DLGAP2: variants seen among roughly 807,000 people sequenced by gnomAD.
DLGAP2 encodes the protein disks large-associated protein 2.
Under a neutral mutation model 100.3 loss-of-function variants are expected in DLGAP2, and 26 were observed. That is an observed-to-expected ratio of 0.26 (90% CI 0.19 to 0.36). The LOEUF (loss-of-function observed/expected upper bound fraction) is 0.36. Among genes scored for constraint, DLGAP2 ranks in the 10% least tolerant of loss-of-function variants. The probability of loss-of-function intolerance (pLI) is 1.00; values close to 1 mark genes in which losing one functional copy is unlikely to be tolerated. For missense variants in DLGAP2, 1,858 were observed against 1,453.2 expected, an observed-to-expected ratio of 1.28 and a Z score of -4.53; for synonymous variants, 886 against 630.1, an observed-to-expected ratio of 1.41 and a Z score of -6.08.
chr8:1,516,755 G>A (rs1800407751), intron 4 of DLGAP2, among the ~76,000 whole-genome samples: 1 of 152,106 alleles, frequency 6.6e-6, no homozygotes, highest in African/African-American at 2.4e-5. Flanking sequence ...GGGTGACTGA[G>A]TGAAAGAGTA....
chr8:1,277,326 A>G (rs964178038), intron 3 of DLGAP2, among the ~76,000 whole-genome samples: 3 of 152,072 alleles, frequency 2.0e-5, no homozygotes, highest in African/African-American at 7.3e-5. Context: ...TGTTGTTGCT[A>G]TTTCAAATTA....
At chr8:1,332,445 A>T (rs891529996) in intron 3 of DLGAP2, among the ~76,000 whole-genome samples, 1 of 151,948 alleles carries the variant, frequency 6.6e-6, no homozygotes, top group Non-Finnish European at 1.5e-5. Flanking sequence ...GTCTGTGTAC[A>T]CATGTGTCTG....
chr8:1,565,107 A>G (rs1019478389), intron 5 of DLGAP2, among the ~76,000 whole-genome samples: 4 of 152,244 alleles, frequency 2.6e-5, no homozygotes, highest in Non-Finnish European at 4.4e-5. Flanking sequence ...TAACAGGCAG[A>G]CATATTCCAT....
At chr8:952,031 C>T (rs1317183470) in intron 2 of DLGAP2, among the ~76,000 whole-genome samples, 2 of 152,222 alleles carry the variant, frequency 1.3e-5, no homozygotes, top group Non-Finnish European at 2.9e-5. Flanking sequence ...TGCCCTCTCC[C>T]AGTGGGTTCT....
chr8:977,166 C>G (rs930409431), intron 2 of DLGAP2, among the ~76,000 whole-genome samples: 3 of 152,226 alleles, frequency 2.0e-5, no homozygotes, highest in Non-Finnish European at 4.4e-5. Flanking sequence ...CTTGCCTCCC[C>G]TCCTGAAATG....
chr8:1,638,507 A>G (rs1301256948), intron 8 of DLGAP2, among the ~76,000 whole-genome samples: 2 of 152,140 alleles, frequency 1.3e-5, no homozygotes, highest in Non-Finnish European at 2.9e-5. Flanking sequence ...CGGGGGCCAG[A>G]GTCATGTTAT....
chr8:902,489 G>A (rs948991442), intron 1 of DLGAP2, among the ~76,000 whole-genome samples: 1 of 147,378 alleles, frequency 6.8e-6, no homozygotes, highest in Non-Finnish European at 1.5e-5. Context: ...GTGAGTCACA[G>A]AGGCGCTGGG....
At chr8:1,255,664 G>A (rs1366702106) in intron 2 of DLGAP2, among the ~76,000 whole-genome samples, 2 of 137,442 alleles carry the variant, frequency 1.5e-5, no homozygotes, top group Non-Finnish European at 3.1e-5. Flanking sequence ...CTGTGTGTGT[G>A]TCGTCTCCTG....
At chr8:757,869 G>A (rs898772405) in intron 1 of DLGAP2, among the ~76,000 whole-genome samples, 5 of 152,198 alleles carry the variant, frequency 3.3e-5, no homozygotes, top group Non-Finnish European at 7.3e-5. Context: ...CGGGGCACGT[G>A]TAGCAGGCAT....
chr8:1,667,813 C>A (rs1798583018), intron 8 of DLGAP2, among the ~76,000 whole-genome samples: 1 of 152,196 alleles, frequency 6.6e-6, no homozygotes, highest in African/African-American at 2.4e-5. Flanking sequence ...GAAATGACGC[C>A]ATGCCTGTGC....
chr8:1,360,870 C>G (rs555584452), intron 3 of DLGAP2, among the ~76,000 whole-genome samples: 1 of 152,192 alleles, frequency 6.6e-6, no homozygotes, highest in Non-Finnish European at 1.5e-5. Flanking sequence ...CAGACAGAGA[C>G]CCGGGAATGC....
At chr8:1,682,346 G>A (rs1469507704) in intron 12 of DLGAP2, among the ~76,000 whole-genome samples, 1 of 152,134 alleles carries the variant, frequency 6.6e-6, no homozygotes, top group African/African-American at 2.4e-5. Flanking sequence ...GGTAAGTCCT[G>A]GTTTTCTGTC....
At chr8:1,670,175 C>T (rs903037894) in intron 10 of DLGAP2, among the ~76,000 whole-genome samples, 15 of 152,348 alleles carry the variant, frequency 9.8e-5, no homozygotes, top group Admixed American at 6.5e-4. Context: ...TCCAGGATAT[C>T]CACCCAGCCA....
chr8:1,101,666 C>G (rs1306722204), intron 2 of DLGAP2, among the ~76,000 whole-genome samples: 1 of 151,238 alleles, frequency 6.6e-6, no homozygotes, highest in Non-Finnish European at 1.5e-5. Flanking sequence ...TCCTCGTCAC[C>G]CCTGAGCCGA....
chr8:1,180,777 AGT>A (rs1181574621), intron 2 of DLGAP2, among the ~76,000 whole-genome samples: 6 of 151,042 alleles, frequency 4.0e-5, no homozygotes, highest in African/African-American at 7.3e-5. Flanking sequence ...GTTACTGTCG[AGT>A]GTGTGTGGGT....
intron 3 of DLGAP2, among the ~76,000 whole-genome samples, chr8:1,370,642 C>T (rs1411111474): frequency 1.3e-5 from 2 of 152,204 alleles, no homozygotes; most frequent in African/African-American, 4.8e-5. Flanking sequence ...CTGTCACACC[C>T]AATGAGGATT....
rs115827104 is a variant in DLGAP2 at position 1,025,096 on chromosome 8, G to A, written c.73+117130G>A. Among the ~76,000 whole-genome samples the A allele has an allele frequency of 5.6e-3, 848 of 151,958 alleles. 11 individuals carry two copies. Among genetic ancestry groups the A allele is most frequent in the African/African-American group, 0.018 (758 of 41,418 alleles). ...TGCATGTGTGTGTGCGCGTGTATGT[G>A]TGTGCGTGTATGTGTGTGCGTGCAT... On this transcript the variant is annotated intron_variant, in intron 2 of 14. Transcript: ENST00000637795.
At chr8:1,111,346 C>G (rs545009011) in intron 2 of DLGAP2, among the ~76,000 whole-genome samples, 5 of 152,228 alleles carry the variant, frequency 3.3e-5, no homozygotes, top group African/African-American at 1.2e-4. Flanking sequence ...TCCCTGGGTT[C>G]ACGTTCCAGT....
At chr8:1,509,156 C>T (rs1584967944) in intron 4 of DLGAP2, among the ~76,000 whole-genome samples, 3 of 152,112 alleles carry the variant, frequency 2.0e-5, no homozygotes, top group African/African-American at 7.2e-5. Context: ...AGCTGTAAAA[C>T]CCCGTCTCTA....
Sources: allele counts gnomAD v4.1 joint callset (sites outside exome capture counted in the v4.1 genomes callset), GRCh38; gene constraint gnomAD v4.1.1; transcripts MANE v1.5; gene names NCBI Gene and HGNC (gene_info 2026-07-23, HGNC 2026-07-21).